Variants in VAMP4 observed in about 807,000 individuals in gnomAD.
The protein encoded by VAMP4 is vesicle-associated membrane protein 4.
Under a neutral mutation model 23.5 loss-of-function variants are expected in VAMP4, and 19 were observed. The observed-to-expected ratio is 0.81, with a 90% CI of 0.56 to 1.19. The LOEUF (loss-of-function observed/expected upper bound fraction) is 1.19, where lower values mean the gene tolerates loss of function less well. VAMP4 is among the 50% of genes most tolerant of loss of function. VAMP4 has a pLI of 0.00. For synonymous variants in VAMP4, 31 were observed against 51.0 expected (o/e 0.61, Z 1.67); for missense variants, 145 against 168.6 (o/e 0.86, Z 0.78).
intron 3 of VAMP4, among the ~76,000 whole-genome samples, chr1:171,725,908 G>A (rs376217888): frequency 7.9e-5 from 12 of 151,924 alleles, no homozygotes; most frequent in South Asian, 6.3e-4. Context: ...GGCTGGTCTC[G>A]AACTCCTGAC....
At chr1:171,720,718 T>C (rs1655164417) in intron 3 of VAMP4, among the ~76,000 whole-genome samples, 1 of 152,046 alleles carries the variant, frequency 6.6e-6, no homozygotes, top group South Asian at 2.1e-4. Flanking sequence ...TTGTCAATTC[T>C]ACCAAACATT....
chr1:171,738,533 A>G, intron 1 of VAMP4, 70 bp from the exon 2 acceptor site: 1 of 966,322 alleles, frequency 1.0e-6, no homozygotes, highest in South Asian at 1.6e-5. Flanking sequence ...AAAACAGTGT[A>G]CATGAAACCC....
chr1:171,740,514 A>T (rs1231271718), intron 1 of VAMP4, among the ~76,000 whole-genome samples: 1 of 152,214 alleles, frequency 6.6e-6, no homozygotes, highest in African/African-American at 2.4e-5. Flanking sequence ...TTCACTTGTA[A>T]CAAAAACCAA....
intron 3 of VAMP4, among the ~76,000 whole-genome samples, chr1:171,725,654 T>G (rs192212353): frequency 2.4e-4 from 36 of 152,216 alleles, no homozygotes; most frequent in African/African-American, 7.9e-4. Context: ...CTGCTATCTA[T>G]CCTGTAAGCT....
At chr1:171,733,294 CAAAAAAA>C (rs35176644) in intron 2 of VAMP4, among the ~76,000 whole-genome samples, 1,963 of 58,150 alleles carry the variant, frequency 0.034, 21 homozygotes, top group Non-Finnish European at 0.047. Context: ...CCCATCTCTA[CAAAAAAA>C]AAAAAAAAAA....
chr1:171,728,499 A>G (rs1346649485), intron 3 of VAMP4, 25 bp downstream of exon 3: 2 of 1,501,058 alleles, frequency 1.3e-6, no homozygotes, highest in African/African-American at 2.8e-5. Flanking sequence ...ATTACACCCT[A>G]ATAAAGCTGT....
intron 1 of VAMP4, among the ~76,000 whole-genome samples, chr1:171,739,776 C>CA (rs1359604597): frequency 9.2e-5 from 14 of 152,266 alleles, no homozygotes; most frequent in Non-Finnish European, 1.8e-4. Flanking sequence ...AGGAGAAACT[C>CA]AATTTTTTTC....
chr1:171,706,188 T>TA (rs1302256514), intron 7 of VAMP4, among the ~76,000 whole-genome samples, 179 bp downstream of exon 7: 1 of 152,098 alleles, frequency 6.6e-6, no homozygotes, highest in Non-Finnish European at 1.5e-5. Flanking sequence ...CATAAAATTT[T>TA]ACATATTACT....
rs1299578465 is a variant in VAMP4, at chr1:171,710,347, AT to A, written c.265+366del. On this transcript the variant is annotated intron_variant, in intron 5 of 7. Transcript: ENST00000236192. ...TAAAGAAAGGTGACTAAGTTACCAA[AT>A]AAAACATAAAATAAAAATAGCAGAT... 3.9e-5 allele frequency among the ~76,000 whole-genome samples: 6 copies of A among 152,116 alleles called. No homozygotes were observed. The East Asian group carries it at 1.2e-3, about 29-fold the overall frequency.
Position 171,728,575 on chromosome 1 carries a change from CA to C in VAMP4, c.67-6del. 3 of 1,553,258 alleles carry C rather than the reference CA, an allele frequency of 1.9e-6. No individual in the cohort carries two copies. Among genetic ancestry groups the C allele is most frequent in the Non-Finnish European group, 2.6e-6 (3 of 1,152,798 alleles). ...ATCATCTTCCAAAAGATTTCTCTGT[CA>C]AAAAAAGAAAAAGACTTGAGTTTTC... On this transcript the variant is annotated splice_polypyrimidine_tract_variant and splice_region_variant and intron_variant, in intron 2 of 7. Coordinates refer to ENST00000236192, the MANE Select transcript of VAMP4 (RefSeq NM_003762.5).
chr1:171,702,031 A>G lies in VAMP4; in HGVS notation c.*2475T>C, dbSNP rs1377336089. 6.6e-6 allele frequency: 1 copy of G among 152,138 alleles called. No homozygotes were observed. Among genetic ancestry groups the G allele is most frequent in the Non-Finnish European group, 1.5e-5 (1 of 67,970 alleles). 9.4% of individuals were successfully genotyped at this position (152,138 alleles called of 1,614,324 possible). A position where few individuals can be genotyped will look rare whatever the true frequency, so the allele number is the denominator to read the frequency against. ...GTTGATCTTCACTTGTTGTTAAATA[A>G]TGATAGTTTTGATGGTGGTAAAACT... On this transcript the variant is annotated 3_prime_UTR_variant, in exon 8 of 8. Coordinates refer to ENST00000236192, the MANE Select transcript of VAMP4 (RefSeq NM_003762.5).
At chr1:171,711,804 G>A (rs187588993) in intron 4 of VAMP4, among the ~76,000 whole-genome samples, 2 of 152,216 alleles carry the variant, frequency 1.3e-5, no homozygotes, top group Admixed American at 1.3e-4. Flanking sequence ...GATTACTAGC[G>A]ACTACAGACA....
chr1:171,710,570 G>T, intron 5 of VAMP4, 144 bp downstream of exon 5: 1 of 553,260 alleles, frequency 1.8e-6, no homozygotes. Flanking sequence ...AAGTAAAGGA[G>T]TTAAAATTAA....
rs1352636758 is a variant in VAMP4, at chr1:171,738,264, G to A, written c.66+85C>T. 47 of 1,509,202 alleles carry A rather than the reference G, an allele frequency of 3.1e-5. 1 individual carries two copies. The highest frequency in any genetic ancestry group is 2.4e-4 in the South Asian group (20 of 84,270). The allele number at this position is 1,509,202 out of a possible 1,614,324, so 93.5% of individuals were successfully genotyped here. A position where few individuals can be genotyped will look rare whatever the true frequency, so the allele number is the denominator to read the frequency against. On this transcript the variant is annotated intron_variant, in intron 2 of 7. Coordinates refer to ENST00000236192, the MANE Select transcript of VAMP4 (RefSeq NM_003762.5). ...ATTGCAGGCATGAGCAACCACGCCC[G>A]GATGGTTTTTCTTCTATTATTCACA...
At chr1:171,710,584 A>G (rs1654818510) in intron 5 of VAMP4, 130 bp downstream of exon 5, 2 of 617,910 alleles carry the variant, frequency 3.2e-6, no homozygotes, top group Non-Finnish European at 2.8e-6. Context: ...AAATTAAACC[A>G]TTAAAATCAT....
At chr1:171,717,051 A>G (rs79786795) in intron 4 of VAMP4, among the ~76,000 whole-genome samples, 121 of 152,304 alleles carry the variant, frequency 7.9e-4, no homozygotes, top group African/African-American at 2.7e-3. Flanking sequence ...ATTAACATAG[A>G]CATATATTCT....
chr1:171,700,815 G>C lies in VAMP4; in HGVS notation c.*3691C>G, dbSNP rs1451200930. 2.0e-5 allele frequency: 3 copies of C among 152,144 alleles called. No homozygotes were observed. The highest frequency in any genetic ancestry group is 2.9e-5 in the Non-Finnish European group (2 of 68,032). The allele number at this position is 152,144 out of a possible 1,614,324, so 9.4% of individuals were successfully genotyped here. The stretch of plus-strand genomic sequence containing the variant: ...CTGGGTGCTGGGGAGACAGAAACAT[G>C]GTGTGGTGCTTACTTTAACAAGCTT... On this transcript the variant is annotated 3_prime_UTR_variant, in exon 8 of 8. Coordinates refer to ENST00000236192, the MANE Select transcript of VAMP4 (RefSeq NM_003762.5).
chr1:171,732,825 T>C (rs1275849526), intron 2 of VAMP4, among the ~76,000 whole-genome samples: 1 of 152,202 alleles, frequency 6.6e-6, no homozygotes, highest in Non-Finnish European at 1.5e-5. Flanking sequence ...CATATTTGAT[T>C]ATATAAAAAT....
chr1:171,714,896 G>T (rs1349165744), intron 4 of VAMP4, among the ~76,000 whole-genome samples: 1 of 152,118 alleles, frequency 6.6e-6, no homozygotes, highest in Non-Finnish European at 1.5e-5. Context: ...ATGTGTTAAG[G>T]GATATAATAG....
Sources: gnomAD v4.1 joint callset for allele counts (sites outside exome capture counted in the v4.1 genomes callset) on GRCh38, gnomAD v4.1.1 for gene constraint, MANE v1.5 for transcripts, NCBI Gene and HGNC (gene_info 2026-07-23, HGNC 2026-07-21) for gene names.